Variants in LARGE1 observed in about 807,000 individuals in gnomAD.
The protein encoded by LARGE1 is LARGE xylosyl- and glucuronyltransferase 1, also known as xylosyl- and glucuronyltransferase LARGE1.
A neutral mutation model predicts 87.6 loss-of-function variants in LARGE1; 43 were observed. The ratio of observed to expected loss-of-function variants is 0.49; its 90% CI spans 0.38 to 0.63. The LOEUF (loss-of-function observed/expected upper bound fraction) is 0.63, where lower values mean the gene tolerates loss of function less well. Ranked by LOEUF, LARGE1 falls within the 30% of genes least tolerant of loss-of-function variation. The pLI is 0.00. For missense variants in LARGE1, 802 were observed against 1,000.2 expected (o/e 0.80, Z 2.67); for synonymous variants, 434 against 394.6 (o/e 1.10, Z -1.18).
At chr22:33,365,017 A>T (rs1399818259) in intron 9 of LARGE1, among the ~76,000 whole-genome samples, 1 of 151,984 alleles carries the variant, frequency 6.6e-6, no homozygotes, top group Non-Finnish European at 1.5e-5. Context: ...ATCCCTTTTC[A>T]AGGCCTGCCA....
intron 11 of LARGE1, among the ~76,000 whole-genome samples, chr22:33,250,967 A>C (rs1926986322): frequency 3.3e-5 from 5 of 152,074 alleles, no homozygotes; most frequent in Admixed American, 1.3e-4. Context: ...CTTTTCTTGT[A>C]ATGGCTTTTT....
chr22:33,230,195 G>A (rs962264528), intron 11 of LARGE1, among the ~76,000 whole-genome samples: 3 of 151,726 alleles, frequency 2.0e-5, no homozygotes, highest in African/African-American at 7.3e-5. Flanking sequence ...TATTTTTTTA[G>A]TAGAGATGGA....
intron 2 of LARGE1, among the ~76,000 whole-genome samples, chr22:33,750,205 CAAGG>C (rs1402871992): frequency 6.6e-6 from 1 of 152,192 alleles, no homozygotes; most frequent in Non-Finnish European, 1.5e-5. Context: ...CAAGGATCAA[CAAGG>C]AAGGATGGAG....
chr22:33,304,357 C>T lies in LARGE1; in HGVS notation c.1602G>A (p.Val534=). ...CGGGGTAGAACTGGCCCTCCTTGTA[C>T]ACGATGTGGTAGCCCACGTTGTGGC... ...MSRHNVGYHI[V]YKEGQFYPVN... The change falls in exon 12 of 15, where the codon GTG becomes GTA. Residue 534 remains valine (V), a synonymous_variant. Coordinates refer to ENST00000397394, the MANE Select transcript of LARGE1 (RefSeq NM_133642.5). The T allele has an allele frequency of 6.2e-7, 1 of 1,614,278 alleles. No individual in the cohort carries two copies. The highest frequency in any genetic ancestry group is 1.6e-4 in the Middle Eastern group (1 of 6,062).
chr22:33,432,599 G>T (rs80187872), intron 6 of LARGE1, among the ~76,000 whole-genome samples: 4 of 84,594 alleles, frequency 4.7e-5, no homozygotes, highest in South Asian at 3.1e-4. Flanking sequence ...ATTCATTCAT[G>T]CATGCATGCA....
At chr22:33,626,632 C>T (rs539639818) in intron 3 of LARGE1, among the ~76,000 whole-genome samples, 1 of 152,224 alleles carries the variant, frequency 6.6e-6, no homozygotes, top group East Asian at 1.9e-4. Flanking sequence ...AGCTGAGCGA[C>T]AATGACAATT....
the LARGE1 span, among the ~76,000 whole-genome samples, chr22:33,124,986 G>A: frequency 3.9e-4 from 60 of 152,188 alleles, 1 homozygote; most frequent in Non-Finnish European, 2.2e-4. Flanking sequence ...GTGGTTTGCG[G>A]TCATATTTAT....
chr22:33,241,694 A>G (rs1783001526), intron 11 of LARGE1, among the ~76,000 whole-genome samples: 1 of 151,952 alleles, frequency 6.6e-6, no homozygotes, highest in Non-Finnish European at 1.5e-5. Flanking sequence ...ATGAAATACT[A>G]TTCAGCCTTA....
intron 11 of LARGE1, among the ~76,000 whole-genome samples, chr22:33,171,313 T>C (rs556740551): frequency 5.7e-4 from 87 of 152,300 alleles, no homozygotes; most frequent in Non-Finnish European, 1.2e-3. Flanking sequence ...AGCCTGATCA[T>C]GTGGTGGAAG....
chr22:33,082,690 C>A, the LARGE1 span, among the ~76,000 whole-genome samples: 1 of 152,194 alleles, frequency 6.6e-6, no homozygotes, highest in Non-Finnish European at 1.5e-5. Flanking sequence ...AAAGCTCCTT[C>A]CGGACCACAA....
chr22:33,816,228 T>G (rs1425801920), intron 1 of LARGE1, among the ~76,000 whole-genome samples: 4 of 152,210 alleles, frequency 2.6e-5, no homozygotes, highest in Non-Finnish European at 2.9e-5. Context: ...ATGCTTGGTT[T>G]CATCCTCCAT....
At chr22:33,463,001 A>C (rs1377332214) in intron 6 of LARGE1, among the ~76,000 whole-genome samples, 1 of 152,190 alleles carries the variant, frequency 6.6e-6, no homozygotes, top group African/African-American at 2.4e-5. Context: ...GATTCTTGGT[A>C]TATAACTTTC....
intron 6 of LARGE1, among the ~76,000 whole-genome samples, chr22:33,520,757 C>T (rs1371095378): frequency 6.6e-6 from 1 of 152,236 alleles, no homozygotes; most frequent in Admixed American, 6.5e-5. Flanking sequence ...ACACGAGCTG[C>T]TGTTTTGGGA....
intron 4 of LARGE1, among the ~76,000 whole-genome samples, chr22:33,617,873 A>G (rs1449090665): frequency 3.9e-5 from 6 of 152,196 alleles, no homozygotes; most frequent in Non-Finnish European, 7.3e-5. Context: ...CCAGGCTGAG[A>G]TGCAATAAAT....
chr22:33,794,690 G>A (rs925236581), intron 1 of LARGE1, among the ~76,000 whole-genome samples: 8 of 81,582 alleles, frequency 9.8e-5, no homozygotes, highest in South Asian at 5.9e-4. Context: ...GCACGATCTC[G>A]GCTCACTGCA....
intron 11 of LARGE1, among the ~76,000 whole-genome samples, chr22:33,217,413 A>G (rs973958985): frequency 4.6e-5 from 7 of 152,184 alleles, no homozygotes; most frequent in African/African-American, 1.7e-4. Flanking sequence ...ATTTTAGTGC[A>G]CACTAAAGTT....
intron 6 of LARGE1, among the ~76,000 whole-genome samples, chr22:33,479,667 G>T (rs1421539332): frequency 1.3e-5 from 2 of 151,708 alleles, no homozygotes; most frequent in East Asian, 3.9e-4. Context: ...TGATCTGTTT[G>T]TTCCCCACAA....
At chr22:33,410,664 T>C (rs1367353887) in intron 7 of LARGE1, among the ~76,000 whole-genome samples, 1 of 152,036 alleles carries the variant, frequency 6.6e-6, no homozygotes, top group Non-Finnish European at 1.5e-5. Context: ...TTACCCAGTC[T>C]CAGGTATTTT....
chr22:33,714,957 C>G (rs1014348987), intron 2 of LARGE1, among the ~76,000 whole-genome samples: 5 of 152,150 alleles, frequency 3.3e-5, no homozygotes, highest in African/African-American at 1.2e-4. Context: ...GCCAGAAGGA[C>G]TTGTTGGCAA....
Sources: allele counts gnomAD v4.1 joint callset (sites outside exome capture counted in the v4.1 genomes callset), GRCh38; gene constraint gnomAD v4.1.1; transcripts MANE v1.5; gene names NCBI Gene and HGNC (gene_info 2026-07-23, HGNC 2026-07-21).